Variants in TAF1 observed in about 807,000 individuals in gnomAD.
TAF1 encodes TATA-box binding protein associated factor 1, also known as transcription initiation factor TFIID subunit 1.
A neutral mutation model predicts 138.5 loss-of-function variants in TAF1; 2 were observed. The observed-to-expected ratio is 0.01, with a 90% CI of 0.01 to 0.05. The LOEUF is 0.05. Among genes scored for constraint, TAF1 ranks in the 10% least tolerant of loss-of-function variants. The pLI, the probability that TAF1 is intolerant of heterozygous loss-of-function variation, is 1.00. For synonymous variants in TAF1, 437 were observed against 503.2 expected (o/e 0.87, Z 1.76); for missense variants, 709 against 1,478.0 (o/e 0.48, Z 8.53).
intron 29 of TAF1, among the ~76,000 whole-genome samples, chrX:71,422,156 CAG>C (rs1014539243): frequency 9.0e-5 from 10 of 111,616 alleles, no homozygotes; most frequent in African/African-American, 3.3e-4. Context: ...ACAGCAAAAA[CAG>C]AGAGCATGAT....
chrX:71,380,806 T>C (rs2033833668), intron 8 of TAF1, among the ~76,000 whole-genome samples: 1 of 111,802 alleles, frequency 8.9e-6, no homozygotes, highest in South Asian at 3.7e-4. Context: ...TTCTTGTGCT[T>C]CAGCCTCCCG....
At chrX:71,424,373 T>A in intron 32 of TAF1, 135 bp downstream of exon 32, 1 of 391,870 alleles carries the variant, frequency 2.6e-6, no homozygotes. Flanking sequence ...TGTGGTGTGA[T>A]CATAGTTCAC....
intron 37 of TAF1, 98 bp downstream of exon 37, chrX:71,460,901 C>T: frequency 9.2e-7 from 1 of 1,089,692 alleles, no homozygotes; most frequent in Non-Finnish European, 1.2e-6. Context: ...TCAAACATTT[C>T]CTGGGCACCT....
chrX:71,525,431 A>G (rs1407993355), intron 13 of TAF1, among the ~76,000 whole-genome samples: 1 of 112,074 alleles, frequency 8.9e-6, no homozygotes, highest in Non-Finnish European at 1.9e-5. Flanking sequence ...TTGTGAGATG[A>G]AAACATTTTC....
At chrX:71,525,997 A>G (rs1322555317) in intron 13 of TAF1, among the ~76,000 whole-genome samples, 1 of 111,141 alleles carries the variant, frequency 9.0e-6, no homozygotes, top group African/African-American at 3.3e-5. Context: ...GGCAGTATAT[A>G]TGGTATGCAA....
At chrX:71,514,710 C>A (rs1317137388) in intron 13 of TAF1, among the ~76,000 whole-genome samples, 1 of 111,291 alleles carries the variant, frequency 9.0e-6, no homozygotes, top group Non-Finnish European at 1.9e-5. Context: ...GAGATCCCCT[C>A]GTAAAAGAGT....
chrX:71,366,520 G>GGGGGGGGGGC, intron 1 of TAF1, 26 bp downstream of exon 1: 2 of 417,682 alleles, frequency 4.8e-6, no homozygotes, highest in East Asian at 6.6e-5. Flanking sequence ...TGGGGGTAGG[G>GGGGGGGGGGC]CTCGGGGGGT....
chrX:71,443,478 A>G (rs1369398890), intron 32 of TAF1, among the ~76,000 whole-genome samples: 1 of 111,370 alleles, frequency 9.0e-6, no homozygotes, highest in African/African-American at 3.3e-5. Flanking sequence ...TTATTGGTGT[A>G]TAGGAATGCT....
At chrX:71,461,855 G>T (rs191253243) in intron 37 of TAF1, among the ~76,000 whole-genome samples, 1 of 111,406 alleles carries the variant, frequency 9.0e-6, no homozygotes, top group East Asian at 2.8e-4. Flanking sequence ...GGTTTTTCTA[G>T]GACTTGGGTA....
chrX:71,383,902 G>A (rs2034050229), intron 12 of TAF1, 60 bp from the exon 13 acceptor site: 5 of 1,107,031 alleles, frequency 4.5e-6, no homozygotes, highest in South Asian at 2.2e-5. Flanking sequence ...ATTGAACAAC[G>A]TCATTGTGTG....
Position 71,383,178 on chromosome X carries a change from C to G in TAF1, c.1947+14C>G. 8.3e-7 allele frequency: 1 copy of G among 1,205,023 alleles called. No individual in the cohort carries two copies. The highest frequency in any genetic ancestry group is 1.8e-5 in the South Asian group (1 of 55,779). ...AAAAAGGCCAAGGTATAATTGAATTCTGGTTAGAAAACAGCTATAAAGGAT... is the reference window on the plus strand; with the variant it reads ...AAAAAGGCCAAGGTATAATTGAATTGTGGTTAGAAAACAGCTATAAAGGAT... On this transcript the variant is annotated intron_variant, in intron 12 of 37. Transcript: ENST00000423759.
rs1486207258 is a variant in TAF1, at chrX:71,483,778, C to CTATATA, written c.1366+22976_1366+22977insATATAT. ...TCTCTCTCTCTCTCTCTCTCTCTCTCTCTATATATATATATATATATATAT... is the reference window on the plus strand; with the variant it reads ...TCTCTCTCTCTCTCTCTCTCTCTCTCTATATATCTATATATATATATATATATATAT... On this transcript the variant is annotated intron_variant and NMD_transcript_variant, in intron 13 of 14. Coordinates refer to the TAF1 transcript ENST00000373775. Among the ~76,000 whole-genome samples, 358 of 54,060 alleles carry CTATATA rather than the reference C, an allele frequency of 6.6e-3. 1 individual carries two copies. The highest frequency in any genetic ancestry group is 0.02 in the Middle Eastern group (2 of 101). 46.9% of individuals were successfully genotyped at this position (54,060 alleles called of 115,157 possible).
chrX:71,366,520 G>GGGGGGGC, intron 1 of TAF1, 26 bp downstream of exon 1: 3 of 417,681 alleles, frequency 7.2e-6, no homozygotes, highest in Non-Finnish European at 1.1e-5. Context: ...TGGGGGTAGG[G>GGGGGGGC]CTCGGGGGGT....
chrX:71,404,279 A>G lies in TAF1; in HGVS notation c.3999-2359A>G, dbSNP rs765705734. Among the ~76,000 whole-genome samples, 86 of 111,335 alleles carry G rather than the reference A, an allele frequency of 7.7e-4. No individual in the cohort carries two copies. In the Middle Eastern group the frequency reaches 0.014, roughly 18 times the overall value. On this transcript the variant is annotated intron_variant, in intron 25 of 37. Coordinates refer to ENST00000423759, the MANE Select transcript of TAF1 (RefSeq NM_004606.5). Reference sequence around the variant, plus strand: ...GAGCCACCGCGCCCAGCCTTCTGGCACAAGATGTTAAAAGCTCTCTTTCAA... The same window carrying G: ...GAGCCACCGCGCCCAGCCTTCTGGCGCAAGATGTTAAAAGCTCTCTTTCAA...
At position 71,472,738 on chromosome X, in the gene TAF1, TAAATA is replaced by T. The variant is rs778380672; in HGVS notation, c.1366+11951_1366+11955del. Reference sequence around the variant, plus strand: ...ACAGTGAGACTGCATCTCAAAAAAATAAATAAAATAAAATAAAATAGTTATCTATG... The same window carrying T: ...ACAGTGAGACTGCATCTCAAAAAAATAAATAAAATAAAATAGTTATCTATG... On this transcript the variant is annotated intron_variant and NMD_transcript_variant, in intron 13 of 14. Coordinates refer to the TAF1 transcript ENST00000373775. 6.5e-3 allele frequency among the ~76,000 whole-genome samples: 723 copies of T among 111,365 alleles called. 2 individuals are homozygous for T. The highest frequency in any genetic ancestry group is 0.012 in the Non-Finnish European group (647 of 53,027).
intron 13 of TAF1, among the ~76,000 whole-genome samples, chrX:71,525,747 G>C (rs1303767160): frequency 9.1e-6 from 1 of 109,769 alleles, no homozygotes; most frequent in Non-Finnish European, 1.9e-5. Context: ...CCACCTCCCT[G>C]GGCTCAGGTG....
At chrX:71,401,857 T>A in intron 25 of TAF1, 118 bp downstream of exon 25, 1 of 671,224 alleles carries the variant, frequency 1.5e-6, no homozygotes, top group Non-Finnish European at 2.3e-6. Flanking sequence ...GAACAGGAAT[T>A]TTGATGGCGT....
At chrX:71,380,811 CT>C (rs2033834589) in intron 8 of TAF1, among the ~76,000 whole-genome samples, 1 of 111,769 alleles carries the variant, frequency 8.9e-6, no homozygotes, top group East Asian at 2.8e-4. Flanking sequence ...GTGCTTCAGC[CT>C]CCCGAGTAGC....
chrX:71,487,955 T>C (rs1448258346), intron 13 of TAF1, among the ~76,000 whole-genome samples: 1 of 112,201 alleles, frequency 8.9e-6, no homozygotes, highest in Non-Finnish European at 1.9e-5. Flanking sequence ...GTAAGCTTTG[T>C]TCTGGGAAGT....
Sources: allele counts gnomAD v4.1 joint callset (sites outside exome capture counted in the v4.1 genomes callset), GRCh38; gene constraint gnomAD v4.1.1; transcripts MANE v1.5; gene names NCBI Gene and HGNC (gene_info 2026-07-23, HGNC 2026-07-21).